ANKS1A: variants seen among roughly 807,000 people sequenced by gnomAD.
ANKS1A encodes the protein ankyrin repeat and SAM domain-containing protein 1A.
In ANKS1A, 55 loss-of-function variants were observed where a neutral mutation model predicts 120.3. The observed-to-expected ratio is 0.46, with a 90% CI of 0.37 to 0.57. The LOEUF is 0.57. ANKS1A is among the 20% of genes least tolerant of loss of function. The pLI is 0.00. For synonymous variants in ANKS1A, 590 were observed against 604.7 expected (o/e 0.98, Z 0.36); for missense variants, 1,123 against 1,480.3 (o/e 0.76, Z 3.96).
At position 34,981,711 on chromosome 6, in the gene ANKS1A, C is replaced by T. The variant is rs1478472368; in HGVS notation, c.457C>T (p.Leu153=). The change falls in exon 4 of 24, where the codon CTG becomes TTG. Residue 153 remains leucine (L), a synonymous_variant. Transcript: ENST00000360359. Reference sequence around the variant, plus strand: ...TTAGAACAATGACAACGAGACAGCCCTGCATTGTGCAGCGCAGTATGGCCA... The same window carrying T: ...TTAGAACAATGACAACGAGACAGCCTTGCATTGTGCAGCGCAGTATGGCCA... ...NEQNNDNETA[L]HCAAQYGHTE... 6.2e-7 allele frequency: 1 copy of T among 1,614,192 alleles called. No homozygotes were observed. Among genetic ancestry groups the T allele is most frequent in the Non-Finnish European group, 8.5e-7 (1 of 1,180,050 alleles).
At chr6:34,927,843 G>A (rs1280051779) in intron 1 of ANKS1A, among the ~76,000 whole-genome samples, 1 of 152,148 alleles carries the variant, frequency 6.6e-6, no homozygotes, top group Non-Finnish European at 1.5e-5. Flanking sequence ...GTTAAGGGAA[G>A]GTTTAGTGTA....
At chr6:34,962,016 AATG>A (rs2127501815) in intron 1 of ANKS1A, among the ~76,000 whole-genome samples, 1 of 152,270 alleles carries the variant, frequency 6.6e-6, no homozygotes, top group South Asian at 2.1e-4. Flanking sequence ...CCTGTGCTAT[AATG>A]ATGATATTTT....
At chr6:35,034,039 A>T (rs999935593) in intron 11 of ANKS1A, among the ~76,000 whole-genome samples, 1 of 152,202 alleles carries the variant, frequency 6.6e-6, no homozygotes, top group Non-Finnish European at 1.5e-5. Context: ...TGGCATTATG[A>T]GAACATAATG....
At chr6:35,003,913 G>A (rs1369300805) in intron 10 of ANKS1A, among the ~76,000 whole-genome samples, 5 of 152,184 alleles carry the variant, frequency 3.3e-5, no homozygotes, top group South Asian at 2.1e-4. Context: ...GTAGCCTGGC[G>A]CCTAGGAACC....
chr6:35,018,702 C>G (rs1774175974), intron 11 of ANKS1A, among the ~76,000 whole-genome samples: 1 of 152,072 alleles, frequency 6.6e-6, no homozygotes. Context: ...TCCCTCCCCT[C>G]TCCAGTAGTC....
intron 16 of ANKS1A, among the ~76,000 whole-genome samples, chr6:35,080,694 C>T (rs114162864): frequency 0.014 from 2,097 of 152,262 alleles, 48 homozygotes; most frequent in African/African-American, 0.046. Flanking sequence ...TGACAGGGCT[C>T]CATTTTTTCT....
intron 10 of ANKS1A, among the ~76,000 whole-genome samples, chr6:35,017,242 G>A (rs1279621068): frequency 1.3e-5 from 2 of 152,082 alleles, no homozygotes; most frequent in Non-Finnish European, 2.9e-5. Flanking sequence ...GCCAGTGTTT[G>A]GAATTTCATA....
intron 13 of ANKS1A, among the ~76,000 whole-genome samples, chr6:35,063,286 C>G (rs1341457831): frequency 6.6e-6 from 1 of 152,228 alleles, no homozygotes; most frequent in East Asian, 1.9e-4. Flanking sequence ...ATCTTATCCA[C>G]AGGAAATGGG....
chr6:35,003,264 C>T (rs1168882910), intron 10 of ANKS1A, among the ~76,000 whole-genome samples: 2 of 152,102 alleles, frequency 1.3e-5, no homozygotes, highest in South Asian at 2.1e-4. Context: ...CATGCTCAAC[C>T]GAATCATACG....
intron 23 of ANKS1A, 93 bp downstream of exon 23, chr6:35,087,142 C>T: frequency 1.5e-6 from 2 of 1,306,950 alleles, no homozygotes; most frequent in African/African-American, 1.4e-5. Context: ...GTCCTCAACT[C>T]TCTCCTTCCA....
At chr6:35,040,747 C>T (rs1283154455) in intron 11 of ANKS1A, among the ~76,000 whole-genome samples, 1 of 152,254 alleles carries the variant, frequency 6.6e-6, no homozygotes, top group East Asian at 1.9e-4. Context: ...GATTCCTATG[C>T]CCTGGCTGAC....
intron 3 of ANKS1A, among the ~76,000 whole-genome samples, chr6:34,978,618 C>G (rs1288357010): frequency 6.6e-6 from 1 of 151,876 alleles, no homozygotes; most frequent in Non-Finnish European, 1.5e-5. Context: ...ACAGCCTGAC[C>G]AACATAGAGA....
intron 11 of ANKS1A, among the ~76,000 whole-genome samples, chr6:35,025,401 T>C (rs1774570415): frequency 6.6e-6 from 1 of 151,972 alleles, no homozygotes; most frequent in Admixed American, 6.6e-5. Context: ...GGCTCTGCAA[T>C]TGACTGGTGA....
rs1389317422 is a variant in ANKS1A at position 35,082,705 on chromosome 6, G to C, written c.2724G>C (p.Glu908Asp). 1 of 1,611,610 alleles carries C rather than the reference G, an allele frequency of 6.2e-7. No individual in the cohort carries two copies. The highest frequency in any genetic ancestry group is 1.7e-5 in the Admixed American group (1 of 59,606). ...GTGTTTCGCAGGAGGAGCACCGTGA[G>C]GCCAAGCTGACCCTGCGGCCCCCGA... is the stretch of plus-strand genomic sequence containing the variant. ...ERFRIQEEHR[E>D]AKLTLRPPSL... Residue 908 changes from glutamate (E) to aspartate (D), a missense_variant, in exon 18 of 24, where the codon GAG becomes GAC. Physicochemically the swap from Glu to Asp is conservative, Grantham distance 45. Around this residue, in one of 3 missense-constraint regions of ANKS1A, gnomAD observed 904 missense variants for 1,130.4 expected, o/e 0.80. Coordinates refer to ENST00000360359, the MANE Select transcript of ANKS1A (RefSeq NM_015245.3). The surrounding 1 kb of genome is among the most constrained non-coding windows in gnomAD (Gnocchi z 4.1).
chr6:34,948,151 G>A, intron 1 of ANKS1A, among the ~76,000 whole-genome samples: 1 of 134,888 alleles, frequency 7.4e-6, no homozygotes, highest in South Asian at 2.4e-4. Context: ...TCATTTAGGT[G>A]TTTTTTTTTT....
At chr6:35,033,147 G>A (rs1774988949) in intron 11 of ANKS1A, among the ~76,000 whole-genome samples, 1 of 152,224 alleles carries the variant, frequency 6.6e-6, no homozygotes, top group South Asian at 2.1e-4. Context: ...GTCAAGAACA[G>A]AAATAGTTTG....
Position 35,083,077 on chromosome 6 carries a change from G to T in ANKS1A, c.2836-78G>T, listed in dbSNP as rs923975327. 5.0e-5 allele frequency: 78 copies of T among 1,558,560 alleles called. No homozygotes were observed. In the East Asian group the frequency reaches 1.7e-3, roughly 34 times the overall value. Reference sequence around the variant, plus strand: ...GAGAGGGGTAACTACTTGATTGTGGGACAGTCCCAAATTGGTTGGGTCACC... The same window carrying T: ...GAGAGGGGTAACTACTTGATTGTGGTACAGTCCCAAATTGGTTGGGTCACC... On this transcript the variant is annotated intron_variant, in intron 18 of 23. Coordinates refer to ENST00000360359, the MANE Select transcript of ANKS1A (RefSeq NM_015245.3).
chr6:35,012,761 T>A (rs1773827102), intron 10 of ANKS1A, among the ~76,000 whole-genome samples: 1 of 152,160 alleles, frequency 6.6e-6, no homozygotes, highest in South Asian at 2.1e-4. Context: ...GATCACAAGT[T>A]GATGGGATTG....
Position 34,894,365 on chromosome 6 carries a change from A to G in ANKS1A, c.197+4766A>G, listed in dbSNP as rs375425647. Among the ~76,000 whole-genome samples, 93 of 152,284 alleles carry G rather than the reference A, an allele frequency of 6.1e-4. 1 individual carries two copies. The South Asian group carries it at 0.018, about 30-fold the overall frequency. On this transcript the variant is annotated intron_variant, in intron 1 of 23. Transcript: ENST00000360359. Reference sequence around the variant, plus strand: ...CTGAGAAAAGGAAATGTTAAAACCAATCATGGCCAGGCACAGTGGCTCACC... The same window carrying G: ...CTGAGAAAAGGAAATGTTAAAACCAGTCATGGCCAGGCACAGTGGCTCACC...
Sources: gnomAD v4.1 joint callset for allele counts (sites outside exome capture counted in the v4.1 genomes callset) on GRCh38, gnomAD v4.1.1 for gene constraint, gnomAD v4.1.1 regional missense constraint, Gnocchi (gnomAD v3.1) non-coding constraint, MANE v1.5 for transcripts, NCBI Gene and HGNC (gene_info 2026-07-23, HGNC 2026-07-21) for gene names.